Variants in KIF15 observed in about 807,000 individuals in gnomAD.
The protein encoded by KIF15 is kinesin-like protein KIF15.
KIF15 carries 140 observed loss-of-function variants against 190.6 expected under a neutral mutation model. The ratio of observed to expected loss-of-function variants is 0.73; its 90% confidence interval spans 0.64 to 0.84. The LOEUF is 0.84. KIF15 is among the 40% of genes least tolerant of loss of function. KIF15 has a pLI of 0.00. For synonymous variants in KIF15, 528 were observed against 551.3 expected, an observed-to-expected ratio of 0.96 and a Z score of 0.59; for missense variants, 1,372 against 1,584.4, an observed-to-expected ratio of 0.87 and a Z score of 2.28.
rs1487182365 is a variant in KIF15 at position 44,826,047 on chromosome 3, A to G, written c.2558A>G (p.Asn853Ser). ...ATGTTTTCCTTATAAAGGTTAGAAAACGAAAAGCTGCTTGAGAGCAAAGCC... is the reference window on the plus strand; with the variant it reads ...ATGTTTTCCTTATAAAGGTTAGAAAGCGAAAAGCTGCTTGAGAGCAAAGCC... ...QLQLDNLRLE[N>S]EKLLESKACL... Residue 853 changes from asparagine to serine, a missense_variant, in exon 21 of 35, where the codon AAC becomes AGC. Transcript: ENST00000326047. 1 of 1,582,696 alleles carries G rather than the reference A, an allele frequency of 6.3e-7. No homozygotes were observed.
intron 1 of KIF15, among the ~76,000 whole-genome samples, chr3:44,763,685 T>TC (rs1364992497): frequency 1.3e-5 from 2 of 148,892 alleles, no homozygotes; most frequent in Non-Finnish European, 3.0e-5. Context: ...AATATACGAT[T>TC]CCCCCCTTTT....
intron 25 of KIF15, 135 bp from the exon 26 acceptor site, chr3:44,830,761 C>T: frequency 3.6e-6 from 3 of 830,006 alleles, no homozygotes; most frequent in South Asian, 1.9e-5. Context: ...TCTTCTATTC[C>T]TTCAGTCAGC....
chr3:44,826,423 T>C lies in KIF15; in HGVS notation c.2749T>C (p.Ser917Pro). 1 of 1,613,134 alleles carries C rather than the reference T, an allele frequency of 6.2e-7. No homozygotes were observed. Among genetic ancestry groups the C allele is most frequent in the Non-Finnish European group, 8.5e-7 (1 of 1,179,468 alleles). Reference protein sequence around the residue: ...EAEKERNNKLSLQFEEDKENS... With the variant: ...EAEKERNNKLPLQFEEDKENS... ...AGAAAAAGAACGCAATAACAAATTA[T>C]CATTACAGTTTGAAGAAGATAAAGA... is the stretch of plus-strand genomic sequence containing the variant. The change falls in exon 22 of 35, where the codon TCA (serine) becomes CCA (proline). Residue 917 changes from serine (S) to proline (P), a missense_variant. By Grantham distance (74) the Ser-to-Pro change is moderately conservative (BLOSUM62 -1). Transcript: ENST00000326047.
intron 6 of KIF15, chr3:44,865,351 T>C (rs1575703677): frequency 1.5e-5 from 12 of 804,966 alleles, no homozygotes; most frequent in Admixed American, 2.6e-5. Context: ...GAGGTGCAGC[T>C]GCAGCAGTGT....
chr3:44,866,912 C>T (rs1419159196), intron 6 of KIF15, among the ~76,000 whole-genome samples: 1 of 152,212 alleles, frequency 6.6e-6, no homozygotes, highest in Non-Finnish European at 1.5e-5. Context: ...CTTACCCTTG[C>T]CTTGGGTTCC....
At position 44,769,597 on chromosome 3, in the gene KIF15, G is replaced by A. The variant is rs116421368; in HGVS notation, c.20-4798G>A. ...ATGAAACAGGAGGCTTGGCTTAATC[G>A]GCAGGAGTTAGTCATGCTCACCTGT... is the stretch of plus-strand genomic sequence containing the variant. On this transcript the variant is annotated intron_variant, in intron 1 of 34. Transcript: ENST00000326047. Among the ~76,000 whole-genome samples the A allele has an allele frequency of 2.0e-3, 297 of 152,228 alleles. 2 individuals carry two copies. Among genetic ancestry groups the A allele is most frequent in the African/African-American group, 6.7e-3 (280 of 41,542 alleles).
At chr3:44,863,998 G>C in intron 6 of KIF15, 1 of 575,368 alleles carries the variant, frequency 1.7e-6, no homozygotes, top group Non-Finnish European at 3.1e-6. Flanking sequence ...CTCTGAATTT[G>C]CTTTATTTGT....
chr3:44,811,475 G>A (rs571404866), intron 17 of KIF15, among the ~76,000 whole-genome samples: 15 of 152,150 alleles, frequency 9.9e-5, no homozygotes, highest in Admixed American at 1.3e-4. Context: ...GTGAAACCCC[G>A]TCTCTACTAA....
chr3:44,785,584 T>C (rs1287397994), intron 6 of KIF15, among the ~76,000 whole-genome samples: 1 of 152,242 alleles, frequency 6.6e-6, no homozygotes, highest in Non-Finnish European at 1.5e-5. Flanking sequence ...CAAAGAAATA[T>C]ATAACATTGG....
At chr3:44,798,812 A>T (rs1262468293) in intron 10 of KIF15, among the ~76,000 whole-genome samples, 1 of 152,194 alleles carries the variant, frequency 6.6e-6, no homozygotes, top group African/African-American at 2.4e-5. Context: ...CTTCTGATTC[A>T]GTTCCATCCT....
intron 20 of KIF15, among the ~76,000 whole-genome samples, chr3:44,820,397 GA>G (rs1256479598): frequency 6.6e-6 from 1 of 151,032 alleles, no homozygotes; most frequent in African/African-American, 2.4e-5. Flanking sequence ...GTTTCTCACA[GA>G]GGGGGATTTG....
chr3:44,852,613 C>A, intron 34 of KIF15, 60 bp from the exon 35 acceptor site: 3 of 1,296,184 alleles, frequency 2.3e-6, no homozygotes, highest in South Asian at 2.7e-5. Context: ...AAAAAAAAAC[C>A]ACTTCCTGTA....
At chr3:44,847,028 C>T (rs1029568966) in intron 30 of KIF15, among the ~76,000 whole-genome samples, 3 of 152,098 alleles carry the variant, frequency 2.0e-5, no homozygotes, top group Admixed American at 2.0e-4. Context: ...CGCATGGCTC[C>T]CAAAGCCTGA....
At chr3:44,790,773 A>C (rs991337864) in intron 7 of KIF15, among the ~76,000 whole-genome samples, 1 of 145,160 alleles carries the variant, frequency 6.9e-6, no homozygotes, top group Non-Finnish European at 1.5e-5. Flanking sequence ...GCTCACTGCA[A>C]CCTCTGCCTC....
At chr3:44,854,314 G>A (rs1458714051), downstream of KIF15, among the ~76,000 whole-genome samples, 4 of 151,688 alleles carry the variant, frequency 2.6e-5, no homozygotes, top group Non-Finnish European at 5.9e-5. Flanking sequence ...GAACCCGGGA[G>A]GCAGAGGTTT....
At chr3:44,854,316 C>T (rs1159288168), downstream of KIF15, among the ~76,000 whole-genome samples, 2 of 148,980 alleles carry the variant, frequency 1.3e-5, no homozygotes, top group Non-Finnish European at 3.0e-5. Context: ...ACCCGGGAGG[C>T]AGAGGTTTCA....
chr3:44,784,338 A>G (rs1575589630), intron 5 of KIF15, among the ~76,000 whole-genome samples: 1 of 150,730 alleles, frequency 6.6e-6, no homozygotes, highest in African/African-American at 2.4e-5. Context: ...ACGCCCGGCT[A>G]CTTTTTTTTT....
intron 26 of KIF15, among the ~76,000 whole-genome samples, chr3:44,831,733 T>C (rs1698083406): frequency 6.6e-6 from 1 of 152,238 alleles, no homozygotes; most frequent in African/African-American, 2.4e-5. Context: ...AGGAGCAATA[T>C]GGATTTTCTT....
chr3:44,816,738 C>T (rs890534634), intron 20 of KIF15, among the ~76,000 whole-genome samples: 1 of 152,130 alleles, frequency 6.6e-6, no homozygotes, highest in African/African-American at 2.4e-5. Flanking sequence ...GATTTATAAT[C>T]CTTTGGGTAT....
Sources: gnomAD v4.1 joint callset for allele counts (sites outside exome capture counted in the v4.1 genomes callset) on GRCh38, gnomAD v4.1.1 for gene constraint, MANE v1.5 for transcripts, NCBI Gene and HGNC (gene_info 2026-07-23, HGNC 2026-07-21) for gene names.